Variants in DYNC1LI1 observed in about 807,000 individuals in gnomAD.
DYNC1LI1 encodes the protein dynein cytoplasmic 1 light intermediate chain 1, also known as cytoplasmic dynein 1 light intermediate chain 1.
Under a neutral mutation model 63.8 loss-of-function variants are expected in DYNC1LI1, and 19 were observed. The ratio of observed to expected loss-of-function variants is 0.30; its 90% CI spans 0.21 to 0.44. DYNC1LI1 has a LOEUF of 0.44. DYNC1LI1 is among the 20% of genes least tolerant of loss of function. DYNC1LI1 has a pLI of 1.00. For missense variants in DYNC1LI1, 565 were observed against 630.2 expected (o/e 0.90, Z 1.11); for synonymous variants, 225 against 232.3 (o/e 0.97, Z 0.28).
chr3:32,533,411 G>A (rs1031156170), intron 7 of DYNC1LI1, among the ~76,000 whole-genome samples: 2 of 152,092 alleles, frequency 1.3e-5, no homozygotes, highest in Non-Finnish European at 2.9e-5. Context: ...TGGGAGGCAG[G>A]AGCTGAAGTG....
intron 2 of DYNC1LI1, among the ~76,000 whole-genome samples, chr3:32,552,136 C>T (rs893680443): frequency 1.3e-5 from 2 of 152,164 alleles, no homozygotes; most frequent in Non-Finnish European, 1.5e-5. Context: ...ATCCACTATT[C>T]CCTCTACCTA....
chr3:32,563,213 GTCTT>G (rs1398908491), intron 2 of DYNC1LI1, among the ~76,000 whole-genome samples: 2 of 151,488 alleles, frequency 1.3e-5, no homozygotes, highest in African/African-American at 2.4e-5. Flanking sequence ...AATCTGTGGG[GTCTT>G]TCTAATAGCC....
intron 2 of DYNC1LI1, among the ~76,000 whole-genome samples, chr3:32,551,796 G>A (rs183692184): frequency 2.1e-3 from 326 of 152,286 alleles, no homozygotes; most frequent in Non-Finnish European, 4.1e-3. Context: ...CCTCTGAAGT[G>A]TTTGGTCCTA....
intron 2 of DYNC1LI1, among the ~76,000 whole-genome samples, chr3:32,547,775 G>T (rs939897590): frequency 1.3e-5 from 2 of 152,186 alleles, no homozygotes; most frequent in African/African-American, 4.8e-5. Flanking sequence ...TCCAAAGGAA[G>T]TAAATACGTT....
chr3:32,538,678 G>C (rs118062242), intron 5 of DYNC1LI1, among the ~76,000 whole-genome samples: 3,168 of 151,888 alleles, frequency 0.021, 169 homozygotes, highest in East Asian at 0.2. Flanking sequence ...TCTAGCCTGG[G>C]TGACAGTGCA....
At chr3:32,556,721 T>C (rs1313470794) in intron 2 of DYNC1LI1, among the ~76,000 whole-genome samples, 1 of 152,132 alleles carries the variant, frequency 6.6e-6, no homozygotes, top group African/African-American at 2.4e-5. Context: ...TTTTAATTTT[T>C]TGTAGAGATG....
intron 2 of DYNC1LI1, among the ~76,000 whole-genome samples, chr3:32,547,920 T>C (rs1043948044): frequency 6.6e-6 from 1 of 152,160 alleles, no homozygotes; most frequent in African/African-American, 2.4e-5. Context: ...TGTGTGTATA[T>C]GCACATATGT....
At chr3:32,530,212 A>G (rs1049716978) in intron 10 of DYNC1LI1, 72 bp downstream of exon 10, 46 of 1,255,546 alleles carry the variant, frequency 3.7e-5, no homozygotes, top group South Asian at 2.5e-4. Flanking sequence ...AAATATGTAC[A>G]TAATTAATAA....
chr3:32,537,105 CTGT>C lies in DYNC1LI1; in HGVS notation c.739-4_739-2del. ...TCTCCAATACACTAATGGCATCACA[CTGT>C]TAAGTTAAAATAATTAAAAATAATA... On this transcript the variant is annotated splice_acceptor_variant and splice_polypyrimidine_tract_variant and intron_variant, in intron 5 of 12. Transcript: ENST00000273130. LOFTEE classifies it high-confidence loss of function. 1 of 1,496,794 alleles carries C rather than the reference CTGT, an allele frequency of 6.7e-7. No homozygotes were observed. The highest frequency in any genetic ancestry group is 9.1e-7 in the Non-Finnish European group (1 of 1,102,824). 92.7% of individuals were successfully genotyped at this position (1,496,794 alleles called of 1,614,324 possible). A position where few individuals can be genotyped will look rare whatever the true frequency, so the allele number is the denominator to read the frequency against.
chr3:32,535,615 G>A lies in DYNC1LI1; in HGVS notation c.833-969C>T, dbSNP rs555067274. 7.2e-5 allele frequency among the ~76,000 whole-genome samples: 11 copies of A among 152,230 alleles called. No homozygotes were observed. The East Asian group carries it at 2.1e-3, about 29-fold the overall frequency. On this transcript the variant is annotated intron_variant, in intron 6 of 12. Transcript: ENST00000273130. ...CATAATCTTAGGCAAAAGTTTAACT[G>A]TATTAACTTTGCATTAATGCTCTTC...
chr3:32,558,419 A>G (rs1240965625), intron 2 of DYNC1LI1, among the ~76,000 whole-genome samples: 1 of 151,338 alleles, frequency 6.6e-6, no homozygotes, highest in Non-Finnish European at 1.5e-5. Context: ...AAAAAAAAAA[A>G]AAAAAAGAAA....
At chr3:32,548,226 G>A (rs925577466) in intron 2 of DYNC1LI1, among the ~76,000 whole-genome samples, 1 of 152,046 alleles carries the variant, frequency 6.6e-6, no homozygotes, top group African/African-American at 2.4e-5. Context: ...CAGCATTACC[G>A]CTGAGCTCCA....
Position 32,533,033 on chromosome 3 carries a change from C to A in DYNC1LI1, c.1033G>T (p.Ala345Ser), listed in dbSNP as rs367562723. 6.2e-7 allele frequency: 1 copy of A among 1,603,040 alleles called. No individual in the cohort carries two copies. The highest frequency in any genetic ancestry group is 8.5e-7 in the Non-Finnish European group (1 of 1,177,520). The change falls in exon 8 of 13, where the codon GCA becomes TCA. Residue 345 changes from alanine (A) to serine (S), a missense_variant. Physicochemically the swap from Ala to Ser is moderately conservative, Grantham distance 99 (BLOSUM62 1). Coordinates refer to ENST00000273130, the MANE Select transcript of DYNC1LI1 (RefSeq NM_016141.4). ...ILHENFQTLK[A>S]EDNFEDIITK... Reference sequence around the variant, plus strand: ...ATGATGTCTTCAAAATTATCTTCTGCTTTTAATGTTTGAAAATTTTCATGT... The same window carrying A: ...ATGATGTCTTCAAAATTATCTTCTGATTTTAATGTTTGAAAATTTTCATGT...
chr3:32,528,540 A>C lies in DYNC1LI1; in HGVS notation c.1368T>G (p.Thr456=), dbSNP rs755561156. 1.2e-6 allele frequency: 2 copies of C among 1,614,070 alleles called. No individual in the cohort carries two copies. The highest frequency in any genetic ancestry group is 1.7e-6 in the Non-Finnish European group (2 of 1,179,932). Residue 456 remains threonine, a synonymous_variant, in exon 12 of 13, where the codon ACT becomes ACG. Coordinates refer to ENST00000273130, the MANE Select transcript of DYNC1LI1 (RefSeq NM_016141.4). ...TCACACCAGGGCCTCCTGGAGAGCC[A>C]GTCTTTTTACTCAACAAACTGTTGA... ...NFFNSLLSKK[T]GSPGGPGVSG...
intron 2 of DYNC1LI1, among the ~76,000 whole-genome samples, chr3:32,565,735 G>T (rs1330577579): frequency 6.6e-6 from 1 of 151,976 alleles, no homozygotes; most frequent in Non-Finnish European, 1.5e-5. Context: ...TCAGCCTCCT[G>T]AGTAGCTGGG....
At position 32,548,210 on chromosome 3, in the gene DYNC1LI1, A is replaced by G. The variant is rs542959491; in HGVS notation, c.221-2245T>C. The stretch of plus-strand genomic sequence containing the variant: ...GAACGAGGCCACACAGCAGGAGGTG[A>G]GCCGACAGCATTACCGCTGAGCTCC... On this transcript the variant is annotated intron_variant, in intron 2 of 12. Coordinates refer to ENST00000273130, the MANE Select transcript of DYNC1LI1 (RefSeq NM_016141.4). 3.9e-5 allele frequency among the ~76,000 whole-genome samples: 6 copies of G among 152,170 alleles called. No homozygotes were observed. The East Asian group carries it at 1.2e-3, about 30-fold the overall frequency.
intron 5 of DYNC1LI1, among the ~76,000 whole-genome samples, chr3:32,539,875 T>A (rs974713489): frequency 4.7e-5 from 7 of 149,636 alleles, no homozygotes; most frequent in Non-Finnish European, 8.9e-5. Context: ...ATTTATTTAT[T>A]TAATTTTGAG....
At chr3:32,553,752 T>G (rs1423227423) in intron 2 of DYNC1LI1, among the ~76,000 whole-genome samples, 1 of 152,220 alleles carries the variant, frequency 6.6e-6, no homozygotes, top group Non-Finnish European at 1.5e-5. Context: ...CGTGATTATC[T>G]CCCATTTGGC....
intron 2 of DYNC1LI1, among the ~76,000 whole-genome samples, 197 bp from the exon 3 acceptor site, chr3:32,546,162 C>G (rs1697949922): frequency 1.3e-5 from 2 of 152,120 alleles, no homozygotes; most frequent in African/African-American, 4.8e-5. Context: ...AATCCCAGCA[C>G]TTTGGGAGGC....
Sources: gnomAD v4.1 joint callset for allele counts (sites outside exome capture counted in the v4.1 genomes callset) on GRCh38, gnomAD v4.1.1 for gene constraint, MANE v1.5 for transcripts, NCBI Gene and HGNC (gene_info 2026-07-23, HGNC 2026-07-21) for gene names.